KIAA1958: variants seen among roughly 807,000 people sequenced by gnomAD.
KIAA1958 encodes the protein KIAA1958.
A neutral mutation model predicts 47.2 loss-of-function variants in KIAA1958; 14 were observed. The observed-to-expected ratio is 0.30, with a 90% CI of 0.20 to 0.46. KIAA1958 has a LOEUF of 0.46. Among genes scored for constraint, KIAA1958 ranks in the 20% least tolerant of loss-of-function variants. KIAA1958 has a pLI of 1.00. For synonymous variants in KIAA1958, 354 were observed against 353.3 expected, an observed-to-expected ratio of 1.00 and a Z score of -0.02; for missense variants, 803 against 909.2, an observed-to-expected ratio of 0.88 and a Z score of 1.50.
chr9:112,518,824 A>C (rs1460323664), intron 1 of KIAA1958, among the ~76,000 whole-genome samples: 3 of 152,174 alleles, frequency 2.0e-5, no homozygotes, highest in Non-Finnish European at 4.4e-5. Context: ...CAGTTCACTA[A>C]GCAGATGCTG....
chr9:112,590,751 C>A (rs1244393623), intron 2 of KIAA1958, among the ~76,000 whole-genome samples: 2 of 152,156 alleles, frequency 1.3e-5, no homozygotes, highest in African/African-American at 4.8e-5. Flanking sequence ...AATGATGAAA[C>A]ATTGAATTTT....
chr9:112,624,866 A>C (rs1193994198), intron 2 of KIAA1958, among the ~76,000 whole-genome samples: 1 of 152,190 alleles, frequency 6.6e-6, no homozygotes, highest in African/African-American at 2.4e-5. Context: ...CTAGATCTGG[A>C]AAGGACCCAA....
intron 3 of KIAA1958, among the ~76,000 whole-genome samples, chr9:112,656,662 G>A (rs542250645): frequency 6.6e-6 from 1 of 152,118 alleles, no homozygotes; most frequent in African/African-American, 2.4e-5. Context: ...CTTTTTCTAT[G>A]CTCTGAAACT....
intron 2 of KIAA1958, among the ~76,000 whole-genome samples, chr9:112,636,106 T>TA (rs1836800699): frequency 6.8e-6 from 1 of 147,902 alleles, no homozygotes; most frequent in African/African-American, 2.5e-5. Context: ...ATTGTTTATT[T>TA]TATATATATA....
At chr9:112,638,701 C>G (rs1440206473) in intron 2 of KIAA1958, among the ~76,000 whole-genome samples, 5 of 152,158 alleles carry the variant, frequency 3.3e-5, no homozygotes, top group Non-Finnish European at 7.4e-5. Flanking sequence ...CCCATTCTCT[C>G]TTCTCTTTCT....
rs1252078547 is a variant in KIAA1958 at position 112,666,208 on chromosome 9, G to A, written c.*6139G>A. 1 of 152,122 alleles carries A rather than the reference G, an allele frequency of 6.6e-6. No homozygotes were observed. The highest frequency in any genetic ancestry group is 2.1e-4 in the South Asian group (1 of 4,830). The allele number at this position is 152,122 out of a possible 1,614,324, so 9.4% of individuals were successfully genotyped here. Reference sequence around the variant, plus strand: ...GCTGGTCTCGAACTCCGACCTCAGTGATCCACCTGCCTCGGCCTCCCAAAG... The same window carrying A: ...GCTGGTCTCGAACTCCGACCTCAGTAATCCACCTGCCTCGGCCTCCCAAAG... On this transcript the variant is annotated 3_prime_UTR_variant, in exon 4 of 4. Coordinates refer to ENST00000337530, the MANE Select transcript of KIAA1958 (RefSeq NM_133465.4).
chr9:112,534,142 C>T (rs1834812809), intron 1 of KIAA1958, among the ~76,000 whole-genome samples: 1 of 152,146 alleles, frequency 6.6e-6, no homozygotes, highest in African/African-American at 2.4e-5. Context: ...AGCAGAAGTA[C>T]CTGTGTCATG....
In KIAA1958 at chr9:112,666,285, G is replaced by T. The variant is rs1186998071; in HGVS notation, c.*6216G>T. On this transcript the variant is annotated 3_prime_UTR_variant, in exon 4 of 4. Transcript: ENST00000337530. ...TTCTGTTCTTTTTTCCTTTATCGGGGCATATTTATTTTCTCTTTGGAGACT... is the reference window on the plus strand; with the variant it reads ...TTCTGTTCTTTTTTCCTTTATCGGGTCATATTTATTTTCTCTTTGGAGACT... 1 of 152,020 alleles carries T rather than the reference G, an allele frequency of 6.6e-6. No individual in the cohort carries two copies. Among genetic ancestry groups the T allele is most frequent in the Non-Finnish European group, 1.5e-5 (1 of 68,016 alleles). The allele number at this position is 152,020 out of a possible 1,614,324, so 9.4% of individuals were successfully genotyped here.
At chr9:112,588,828 G>A (rs769366369) in intron 2 of KIAA1958, among the ~76,000 whole-genome samples, 1 of 151,830 alleles carries the variant, frequency 6.6e-6, no homozygotes, top group Non-Finnish European at 1.5e-5. Context: ...CTAACTTCAT[G>A]TTTCTTCCTT....
In KIAA1958 at chr9:112,638,466, A is replaced by G. The variant is rs183464886; in HGVS notation, c.1172-7184A>G. On this transcript the variant is annotated intron_variant, in intron 2 of 3. Coordinates refer to ENST00000337530, the MANE Select transcript of KIAA1958 (RefSeq NM_133465.4). ...GCAATGAGTGATAGCACCATTGGTGACTATCCAGCCTGGGTGACAGAGTGA... is the reference window on the plus strand; with the variant it reads ...GCAATGAGTGATAGCACCATTGGTGGCTATCCAGCCTGGGTGACAGAGTGA... Among the ~76,000 whole-genome samples the G allele has an allele frequency of 5.7e-3, 860 of 152,164 alleles. 4 individuals carry two copies. Among genetic ancestry groups the G allele is most frequent in the African/African-American group, 0.019 (804 of 41,514 alleles).
intron 1 of KIAA1958, among the ~76,000 whole-genome samples, chr9:112,521,052 T>C (rs1834532313): frequency 6.6e-6 from 1 of 152,208 alleles, no homozygotes; most frequent in African/African-American, 2.4e-5. Flanking sequence ...GTTTTAAACT[T>C]GTTGGGTTTA....
chr9:112,570,060 G>T (rs1004840236), intron 1 of KIAA1958, among the ~76,000 whole-genome samples: 3 of 152,224 alleles, frequency 2.0e-5, no homozygotes, highest in Non-Finnish European at 4.4e-5. Context: ...TTTTGAAAGT[G>T]CAGTTTATTA....
Position 112,569,188 on chromosome 9 carries a change from A to G in KIAA1958, c.-24-4869A>G, listed in dbSNP as rs189209745. Among the ~76,000 whole-genome samples the G allele has an allele frequency of 5.8e-4, 88 of 152,200 alleles. 1 individual carries two copies. The highest frequency in any genetic ancestry group is 2.1e-3 in the African/African-American group (88 of 41,510). The stretch of plus-strand genomic sequence containing the variant: ...CTTTTTGAAATTCTTGTATGATTCC[A>G]TATACAACAACATGAGCATTGCCTA... On this transcript the variant is annotated intron_variant, in intron 1 of 3. Transcript: ENST00000337530.
intron 1 of KIAA1958, among the ~76,000 whole-genome samples, chr9:112,519,371 A>T (rs368983478): frequency 1.3e-4 from 20 of 152,352 alleles, no homozygotes; most frequent in African/African-American, 4.8e-4. Flanking sequence ...TTATGCTCAT[A>T]GCTTTTCAAA....
chr9:112,510,456 T>C (rs1050776189), intron 1 of KIAA1958, among the ~76,000 whole-genome samples: 1 of 152,234 alleles, frequency 6.6e-6, no homozygotes, highest in Non-Finnish European at 1.5e-5. Flanking sequence ...TTAAAATTTC[T>C]CTTTACACTG....
intron 1 of KIAA1958, among the ~76,000 whole-genome samples, chr9:112,491,068 A>G (rs564370897): frequency 6.6e-6 from 1 of 152,282 alleles, no homozygotes; most frequent in African/African-American, 2.4e-5. Flanking sequence ...CCTGGGCCCA[A>G]AGGATCACAT....
intron 1 of KIAA1958, among the ~76,000 whole-genome samples, chr9:112,567,912 T>G (rs746458176): frequency 2.1e-5 from 3 of 141,272 alleles, no homozygotes; most frequent in Non-Finnish European, 3.0e-5. Context: ...GAGCAGAGAT[T>G]GTGCCACTGT....
Position 112,564,876 on chromosome 9 carries a change from T to A in KIAA1958, c.-24-9181T>A, listed in dbSNP as rs187426693. ...CATGGGCTCTAGAGTAAGACTTAAG[T>A]TCAGATATTGGCTCTGCCATTTACT... On this transcript the variant is annotated intron_variant, in intron 1 of 3. Transcript: ENST00000337530. 5.6e-4 allele frequency among the ~76,000 whole-genome samples: 86 copies of A among 152,318 alleles called. 1 individual carries two copies. The highest frequency in any genetic ancestry group is 2.1e-3 in the African/African-American group (86 of 41,586).
chr9:112,660,629 CTCA>C lies in KIAA1958; in HGVS notation c.*561_*563del. ...AGGCAGCCTTGTGTCGGGGAGTATC[CTCA>C]AGCGACACTTGGTCATCTGACAAGG... On this transcript the variant is annotated 3_prime_UTR_variant, in exon 4 of 4. Coordinates refer to ENST00000337530, the MANE Select transcript of KIAA1958 (RefSeq NM_133465.4). 1 of 155,324 alleles carries C rather than the reference CTCA, an allele frequency of 6.4e-6. No individual in the cohort carries two copies. Among genetic ancestry groups the C allele is most frequent in the Non-Finnish European group, 1.4e-5 (1 of 70,004 alleles). The allele number at this position is 155,324 out of a possible 1,614,324, so 9.6% of individuals were successfully genotyped here.
Sources: allele counts gnomAD v4.1 joint callset (sites outside exome capture counted in the v4.1 genomes callset), GRCh38; gene constraint gnomAD v4.1.1; transcripts MANE v1.5; gene names NCBI Gene and HGNC (gene_info 2026-07-23, HGNC 2026-07-21).